The following PLEKHM3 variants were observed in gnomAD, a reference collection of about 807,000 sequenced individuals.
PLEKHM3 encodes the protein pleckstrin homology domain containing M3.
In PLEKHM3, 45 loss-of-function variants were observed where a neutral mutation model predicts 81.8. That is an observed-to-expected ratio of 0.55 (90% CI 0.43 to 0.71). PLEKHM3 has a LOEUF of 0.71. PLEKHM3 is among the 30% of genes least tolerant of loss of function. The pLI, the probability that PLEKHM3 is intolerant of heterozygous loss-of-function variation, is 0.00. For synonymous variants in PLEKHM3, 352 were observed against 356.4 expected (o/e 0.99, Z 0.14); for missense variants, 788 against 924.3 (o/e 0.85, Z 1.91).
intron 7 of PLEKHM3, among the ~76,000 whole-genome samples, chr2:207,855,123 A>T (rs551130583): frequency 6.6e-6 from 1 of 152,304 alleles, no homozygotes; most frequent in Non-Finnish European, 1.5e-5. Flanking sequence ...GGCTCCCTGG[A>T]CACATGTCTG....
At chr2:207,933,790 C>T (rs545821255) in intron 4 of PLEKHM3, among the ~76,000 whole-genome samples, 7 of 152,328 alleles carry the variant, frequency 4.6e-5, no homozygotes, top group East Asian at 1.9e-4. Context: ...ATGTCGGAGG[C>T]GCTGCCTTCA....
intron 2 of PLEKHM3, among the ~76,000 whole-genome samples, chr2:207,984,422 G>C (rs969194208): frequency 6.7e-6 from 1 of 149,872 alleles, no homozygotes; most frequent in African/African-American, 2.5e-5. Flanking sequence ...ACGGAGTCTT[G>C]CTCTGTTGCC....
chr2:207,840,813 T>A (rs556610193), intron 7 of PLEKHM3, among the ~76,000 whole-genome samples: 5,093 of 146,182 alleles, frequency 0.035, 296 homozygotes, highest in African/African-American at 0.12. Flanking sequence ...TTTTTTTTTT[T>A]TTTTTTTTTG....
intron 5 of PLEKHM3, among the ~76,000 whole-genome samples, chr2:207,910,874 C>T (rs1290513686): frequency 6.6e-6 from 1 of 151,848 alleles, no homozygotes; most frequent in Non-Finnish European, 1.5e-5. Flanking sequence ...TGGGTAGATA[C>T]CAGAGACTTT....
intron 4 of PLEKHM3, among the ~76,000 whole-genome samples, chr2:207,938,707 A>T (rs1040029606): frequency 6.6e-6 from 1 of 152,234 alleles, no homozygotes; most frequent in Non-Finnish European, 1.5e-5. Flanking sequence ...TCCACTAAGA[A>T]CTTGGGAAGG....
intron 3 of PLEKHM3, among the ~76,000 whole-genome samples, chr2:207,949,843 T>C (rs1350475326): frequency 3.3e-5 from 5 of 152,232 alleles, no homozygotes; most frequent in African/African-American, 9.6e-5. Context: ...TATTCCCTAG[T>C]AGGCACTACT....
intron 3 of PLEKHM3, among the ~76,000 whole-genome samples, chr2:207,949,797 T>C (rs1690270147): frequency 6.6e-6 from 1 of 152,218 alleles, no homozygotes; most frequent in Non-Finnish European, 1.5e-5. Flanking sequence ...TTTTTTGATA[T>C]AACAGACATC....
chr2:208,008,501 C>CAAAAA lies in PLEKHM3; in HGVS notation c.-318-6549_-318-6545dup, dbSNP rs59305459. On this transcript the variant is annotated intron_variant, in intron 1 of 7. Transcript: ENST00000427836. Reference sequence around the variant, plus strand: ...AAATACCAGTAAATACTAACCTTGCCAAAAAAAAAAAAAAAAAAAAAAAAC... The same window carrying CAAAAA: ...AAATACCAGTAAATACTAACCTTGCCAAAAAAAAAAAAAAAAAAAAAAAAAAAAAC... Among the ~76,000 whole-genome samples the CAAAAA allele has an allele frequency of 1.3e-3, 106 of 83,642 alleles. 1 individual carries two copies. The highest frequency in any genetic ancestry group is 4.4e-3 in the African/African-American group (80 of 18,052). 54.9% of individuals were successfully genotyped at this position (83,642 alleles called of 152,430 possible). A position where few individuals can be genotyped will look rare whatever the true frequency, so the allele number is the denominator to read the frequency against.
chr2:207,821,488 T>C lies in PLEKHM3; in HGVS notation c.*6831A>G, dbSNP rs376225051. On this transcript the variant is annotated 3_prime_UTR_variant, in exon 8 of 8. Transcript: ENST00000427836. ...AGATAAGTTATGCCAAAACAAAAGGTAAAATCCAAAAAACAGAAAGAACAC... is the reference window on the plus strand; with the variant it reads ...AGATAAGTTATGCCAAAACAAAAGGCAAAATCCAAAAAACAGAAAGAACAC... 6 of 151,858 alleles carry C rather than the reference T, an allele frequency of 4.0e-5. No individual in the cohort carries two copies. In the East Asian group the frequency reaches 7.7e-4, roughly 20 times the overall value. The allele number at this position is 151,858 out of a possible 1,614,324, so 9.4% of individuals were successfully genotyped here.
At chr2:207,835,048 C>G (rs376431800) in intron 7 of PLEKHM3, among the ~76,000 whole-genome samples, 2 of 151,436 alleles carry the variant, frequency 1.3e-5, no homozygotes, top group East Asian at 3.9e-4. Context: ...TCGAGTGATT[C>G]TCTTGCCTCA....
At chr2:208,006,013 T>C (rs146963215) in intron 1 of PLEKHM3, among the ~76,000 whole-genome samples, 3,898 of 152,258 alleles carry the variant, frequency 0.026, 85 homozygotes, top group Non-Finnish European at 0.039. Context: ...TCATAGCACC[T>C]GGGTTTGCCA....
At chr2:207,954,378 A>G (rs753177815) in intron 3 of PLEKHM3, among the ~76,000 whole-genome samples, 2 of 152,160 alleles carry the variant, frequency 1.3e-5, no homozygotes, top group Non-Finnish European at 2.9e-5. Context: ...CAACACAACA[A>G]TATGGCAAAT....
intron 5 of PLEKHM3, among the ~76,000 whole-genome samples, chr2:207,910,402 C>T (rs1218322337): frequency 1.3e-5 from 2 of 152,208 alleles, no homozygotes; most frequent in African/African-American, 2.4e-5. Flanking sequence ...AGGCAGCCTA[C>T]AGGAGGTCAC....
intron 6 of PLEKHM3, among the ~76,000 whole-genome samples, chr2:207,892,466 A>G (rs1338300485): frequency 1.3e-5 from 2 of 152,190 alleles, no homozygotes; most frequent in Admixed American, 1.3e-4. Context: ...AGTTGAGACA[A>G]TAAGCTGGTT....
chr2:207,836,966 G>A (rs1187710821), intron 7 of PLEKHM3, among the ~76,000 whole-genome samples: 1 of 152,140 alleles, frequency 6.6e-6, no homozygotes, highest in Non-Finnish European at 1.5e-5. Context: ...ATAAGTGCAC[G>A]TTATCAGGCA....
intron 1 of PLEKHM3, among the ~76,000 whole-genome samples, chr2:208,003,585 TCTA>T (rs1692385907): frequency 6.6e-6 from 1 of 152,214 alleles, no homozygotes; most frequent in Non-Finnish European, 1.5e-5. Flanking sequence ...TATGAATTTG[TCTA>T]CTTTTATATA....
chr2:207,837,576 G>C (rs1000117870), intron 7 of PLEKHM3, among the ~76,000 whole-genome samples: 10 of 151,152 alleles, frequency 6.6e-5, no homozygotes, highest in Admixed American at 5.3e-4. Flanking sequence ...CTCCAGCCTG[G>C]GCGACAGAGC....
intron 2 of PLEKHM3, among the ~76,000 whole-genome samples, chr2:207,999,424 T>C (rs1314243899): frequency 2.6e-5 from 4 of 151,934 alleles, no homozygotes; most frequent in Admixed American, 1.3e-4. Context: ...AGACCAGCCA[T>C]AGCAACATAG....
intron 6 of PLEKHM3, among the ~76,000 whole-genome samples, chr2:207,871,798 C>T (rs1357000776): frequency 6.6e-6 from 1 of 152,112 alleles, no homozygotes; most frequent in African/African-American, 2.4e-5. Context: ...GATATAGGTA[C>T]ATGTGTTTTA....
Sources: gnomAD v4.1 joint callset for allele counts (sites outside exome capture counted in the v4.1 genomes callset) on GRCh38, gnomAD v4.1.1 for gene constraint, MANE v1.5 for transcripts, NCBI Gene and HGNC (gene_info 2026-07-23, HGNC 2026-07-21) for gene names.